SLC38A10: variants seen among roughly 807,000 people sequenced by gnomAD.
SLC38A10 encodes Sodium-coupled neutral amino acid transporter 10.
SLC38A10 carries 53 observed loss-of-function variants against 81.0 expected under a neutral mutation model. That is an observed-to-expected ratio of 0.65 (90% CI 0.53 to 0.82). SLC38A10 has a LOEUF of 0.82. Among genes scored for constraint, SLC38A10 ranks in the 40% least tolerant of loss-of-function variants. The pLI is 0.00. For missense variants in SLC38A10, 1,471 were observed against 1,545.0 expected, an observed-to-expected ratio of 0.95 and a Z score of 0.80; for synonymous variants, 665 against 655.3, an observed-to-expected ratio of 1.01 and a Z score of -0.23.
intron 10 of SLC38A10, among the ~76,000 whole-genome samples, chr17:81,261,733 G>A (rs2146908205): frequency 6.6e-6 from 1 of 152,366 alleles, no homozygotes; most frequent in African/African-American, 2.4e-5. Flanking sequence ...GGGTCAGTGG[G>A]CTCCGCCGAA....
At position 81,252,275 on chromosome 17, in the gene SLC38A10, C is replaced by T. The variant is rs1311564018; in HGVS notation, c.1865G>A (p.Gly622Glu). The change falls in exon 13 of 16, where the codon GGA becomes GAA. Residue 622 changes from glycine (G) to glutamate (E), a missense_variant. Coordinates refer to ENST00000374759, the MANE Select transcript of SLC38A10 (RefSeq NM_001037984.3). Reference sequence around the variant, plus strand: ...CGGTCCCCCCTTGGCCTTTTCCCCTCCACCCACCGCCAGGCCGTTCTGCTG... The same window carrying T: ...CGGTCCCCCCTTGGCCTTTTCCCCTTCACCCACCGCCAGGCCGTTCTGCTG... The part of the protein sequence containing the change: ...SEQQNGLAVG[G>E]GEKAKGGPPP... 3 of 1,606,146 alleles carry T rather than the reference C, an allele frequency of 1.9e-6. No homozygotes were observed. The highest frequency in any genetic ancestry group is 1.1e-5 in the South Asian group (1 of 90,652).
rs551397666 is a variant in SLC38A10 at position 81,285,176 on chromosome 17, G to A, written c.218-281C>T. The A allele has an allele frequency of 1.5e-5, 5 of 323,350 alleles. No homozygotes were observed. The East Asian group carries it at 1.7e-4, about 11-fold the overall frequency. 20.0% of individuals were successfully genotyped at this position (323,350 alleles called of 1,614,324 possible). The stretch of plus-strand genomic sequence containing the variant: ...AACAGACAAAGAGACAAGTCCCTGC[G>A]ATGCAGTCCTCCCACCCGGTGACCA... On this transcript the variant is annotated intron_variant, in intron 2 of 15. Transcript: ENST00000374759.
intron 11 of SLC38A10, among the ~76,000 whole-genome samples, chr17:81,258,093 G>A (rs895114027): frequency 3.9e-5 from 6 of 152,232 alleles, no homozygotes; most frequent in East Asian, 1.9e-4. Context: ...GGCTGTGCGC[G>A]TCTAACCACG....
intron 11 of SLC38A10, among the ~76,000 whole-genome samples, chr17:81,256,981 T>C (rs2062978905): frequency 6.6e-6 from 1 of 152,198 alleles, no homozygotes; most frequent in Admixed American, 6.5e-5. Context: ...TGCTGTCTCC[T>C]GGGAGGCGGG....
Position 81,245,517 on chromosome 17 carries a change from G to A in SLC38A10, c.*39C>T, listed in dbSNP as rs755864443. The A allele has an allele frequency of 6.5e-6, 10 of 1,546,778 alleles. No individual in the cohort carries two copies. In the South Asian group the frequency reaches 9.6e-5, roughly 15 times the overall value. On this transcript the variant is annotated 3_prime_UTR_variant, in exon 16 of 16. Transcript: ENST00000374759. Reference sequence around the variant, plus strand: ...TGAGACAGACCTGCTGCTGGCCGAGGAGGGCAGTGGCTGGCGTGGCCCTCA... The same window carrying A: ...TGAGACAGACCTGCTGCTGGCCGAGAAGGGCAGTGGCTGGCGTGGCCCTCA...
Position 81,295,181 on chromosome 17 carries a change from G to A in SLC38A10, c.-260C>T, listed in dbSNP as rs2063339092. On this transcript the variant is annotated 5_prime_UTR_variant, in exon 1 of 16. Transcript: ENST00000374759. ...CCGCCAAGCCCTGCGGCCGCCTCAG[G>A]GCCATGCGTCCCTCGCTCGGCCTCG... 3.3e-6 allele frequency: 1 copy of A among 301,910 alleles called. No homozygotes were observed. The highest frequency in any genetic ancestry group is 5.4e-6 in the Non-Finnish European group (1 of 184,312). The allele number at this position is 301,910 out of a possible 1,614,324, so 18.7% of individuals were successfully genotyped here.
Position 81,245,750 on chromosome 17 carries a change from G to C in SLC38A10, c.3166C>G (p.Leu1056Val), listed in dbSNP as rs769740980. ...GSDLRRRRRD[L>V]GPHAEGQLAP... is the part of the protein sequence containing the mutation. ...AGCTGACCCTCTGCATGAGGGCCAA[G>C]GTCCCGCCGTCGCCTCCGGAGGTCG... Residue 1056 changes from leucine (L) to valine (V), a missense_variant, in exon 16 of 16, where the codon CTT becomes GTT. This residue lies in a region of SLC38A10 where 751 missense variants were observed against 717.4 expected (regional missense o/e 1.05). Transcript: ENST00000374759. 7 of 1,595,496 alleles carry C rather than the reference G, an allele frequency of 4.4e-6. No homozygotes were observed. The East Asian group carries it at 1.6e-4, about 36-fold the overall frequency.
chr17:81,286,258 A>G lies in SLC38A10; in HGVS notation c.218-1363T>C, dbSNP rs1244835678. 1.3e-5 allele frequency among the ~76,000 whole-genome samples: 2 copies of G among 152,226 alleles called. No homozygotes were observed. Among genetic ancestry groups the G allele is most frequent in the Admixed American group, 6.5e-5 (1 of 15,284 alleles). ...AAAGGAAGCTGAGTCTCTACAGCAT[A>G]TTCCAAACACGAGCGCACCTTGCCC... On this transcript the variant is annotated intron_variant, in intron 2 of 15. Transcript: ENST00000374759. The surrounding 1 kb of genome is among the most constrained non-coding windows in gnomAD (Gnocchi z 6.0).
intron 9 of SLC38A10, 59 bp downstream of exon 9, chr17:81,272,457 G>A (rs2063124973): frequency 8.9e-7 from 1 of 1,128,838 alleles, no homozygotes; most frequent in Admixed American, 2.5e-5. Context: ...TGCAGGTCTT[G>A]GTTGATGCCG....
chr17:81,284,816 T>A, intron 3 of SLC38A10, 34 bp downstream of exon 3: 2 of 1,211,334 alleles, frequency 1.7e-6, no homozygotes, highest in South Asian at 2.9e-5. Context: ...GGTGCGGGGG[T>A]GGGGGGCAAG....
intron 9 of SLC38A10, 39 bp from the exon 10 acceptor site, chr17:81,271,063 G>C (rs776950600): frequency 6.4e-7 from 1 of 1,559,320 alleles, no homozygotes; most frequent in Non-Finnish European, 8.8e-7. Context: ...GAGTGGGGAA[G>C]GGCTCTGGGA....
rs1343261650 is a variant in SLC38A10 at position 81,277,384 on chromosome 17, C to G, written c.627-251G>C. Among the ~76,000 whole-genome samples, 3 of 152,214 alleles carry G rather than the reference C, an allele frequency of 2.0e-5. No homozygotes were observed. Among genetic ancestry groups the G allele is most frequent in the Non-Finnish European group, 4.4e-5 (3 of 68,040 alleles). ...GCGAACATTCCCCAAGGCTACAGAA[C>G]GACAGGCTGCTGCTCCACGCCAGGG... On this transcript the variant is annotated intron_variant, in intron 6 of 15. Coordinates refer to ENST00000374759, the MANE Select transcript of SLC38A10 (RefSeq NM_001037984.3). The surrounding 1 kb of genome is among the most constrained non-coding windows in gnomAD (Gnocchi z 4.5).
rs747444890 is a variant in SLC38A10, at chr17:81,246,176, C to T, written c.2740G>A (p.Val914Met). The T allele has an allele frequency of 3.5e-5, 56 of 1,612,380 alleles. No individual in the cohort carries two copies. The highest frequency in any genetic ancestry group is 1.7e-4 in the Middle Eastern group (1 of 6,060). The change falls in exon 16 of 16, where the codon GTG becomes ATG. Residue 914 changes from valine (V) to methionine (M), a missense_variant. This residue lies in a region of SLC38A10 where 751 missense variants were observed against 717.4 expected (regional missense o/e 1.05). Coordinates refer to ENST00000374759, the MANE Select transcript of SLC38A10 (RefSeq NM_001037984.3). Reference sequence around the variant, plus strand: ...CCCGTCTCTGCTCCTGGCCCTGCCACGAGCCAGTTGGCTTCCTTCAGAATG... The same window carrying T: ...CCCGTCTCTGCTCCTGGCCCTGCCATGAGCCAGTTGGCTTCCTTCAGAATG... ...TSILKEANWL[V>M]AGPGAETGDP... is the part of the protein sequence containing the mutation.
At chr17:81,263,899 GC>G in intron 10 of SLC38A10, 1 of 145,374 alleles carries the variant, frequency 6.9e-6, no homozygotes. Flanking sequence ...CACGGACCCA[GC>G]AGCAGCAGCG....
chr17:81,276,247 G>A lies in SLC38A10; in HGVS notation c.730-96C>T, dbSNP rs2063161378. 2 of 1,196,010 alleles carry A rather than the reference G, an allele frequency of 1.7e-6. No homozygotes were observed. The highest frequency in any genetic ancestry group is 2.3e-6 in the Non-Finnish European group (2 of 879,546). 74.1% of individuals were successfully genotyped at this position (1,196,010 alleles called of 1,614,324 possible). A position where few individuals can be genotyped will look rare whatever the true frequency, so the allele number is the denominator to read the frequency against. On this transcript the variant is annotated intron_variant, in intron 7 of 15. Coordinates refer to ENST00000374759, the MANE Select transcript of SLC38A10 (RefSeq NM_001037984.3). This position sits in a 1 kb window ranked among gnomAD's most constrained non-coding sequence, Gnocchi z 4.7. ...AGGGCATGGGGGGGACCTGTGCCCT[G>A]CCCCCCAGAATGGCCTTCAATCCAC... is the stretch of plus-strand genomic sequence containing the variant.
intron 11 of SLC38A10, among the ~76,000 whole-genome samples, chr17:81,255,805 G>C (rs1199246492): frequency 6.6e-6 from 1 of 152,202 alleles, no homozygotes; most frequent in Non-Finnish European, 1.5e-5. Flanking sequence ...ACACCATCCT[G>C]GCAAAACCCT....
chr17:81,273,925 G>A lies in SLC38A10; in HGVS notation c.913-1298C>T, dbSNP rs540445078. On this transcript the variant is annotated intron_variant, in intron 8 of 15. Transcript: ENST00000374759. ...AGACAAGAAAGCAGGTGGCATGGCCGCAGCCGCACCTCCGGGAAAGGAGCA... is the reference window on the plus strand; with the variant it reads ...AGACAAGAAAGCAGGTGGCATGGCCACAGCCGCACCTCCGGGAAAGGAGCA... 3.3e-5 allele frequency among the ~76,000 whole-genome samples: 5 copies of A among 152,340 alleles called. No individual in the cohort carries two copies. The South Asian group carries it at 8.3e-4, about 25-fold the overall frequency.
chr17:81,275,946 G>T lies in SLC38A10; in HGVS notation c.912+23C>A, dbSNP rs202198325. 3 of 1,605,864 alleles carry T rather than the reference G, an allele frequency of 1.9e-6. No individual in the cohort carries two copies. In the East Asian group the frequency reaches 6.7e-5, roughly 36 times the overall value. ...AGCCTGACCTGTGCTATTACGATCCGGAGAGTGCCCCGAGGGTCTTACCTG... is the reference window on the plus strand; with the variant it reads ...AGCCTGACCTGTGCTATTACGATCCTGAGAGTGCCCCGAGGGTCTTACCTG... On this transcript the variant is annotated intron_variant, in intron 8 of 15. Transcript: ENST00000374759.
In SLC38A10 at chr17:81,271,027, A is replaced by G; in HGVS notation, c.1025-3T>C. 6.2e-7 allele frequency: 1 copy of G among 1,607,594 alleles called. No homozygotes were observed. Among genetic ancestry groups the G allele is most frequent in the Non-Finnish European group, 8.5e-7 (1 of 1,176,522 alleles). ...TGTGAGGCCCAGGATGGTCTCCACT[A>G]GGATGGAGAAGTGACAGGAAGGGAT... On this transcript the variant is annotated splice_polypyrimidine_tract_variant and splice_region_variant and intron_variant, in intron 9 of 15. Transcript: ENST00000374759.
Sources: gnomAD v4.1 joint callset for allele counts (sites outside exome capture counted in the v4.1 genomes callset) on GRCh38, gnomAD v4.1.1 for gene constraint, gnomAD v4.1.1 regional missense constraint, Gnocchi (gnomAD v3.1) non-coding constraint, MANE v1.5 for transcripts, NCBI Gene and HGNC (gene_info 2026-07-23, HGNC 2026-07-21) for gene names.